The following CEP63 variants were observed in gnomAD, a reference collection of about 807,000 sequenced individuals.
CEP63 encodes the protein centrosomal protein 63.
A neutral mutation model predicts 89.1 loss-of-function variants in CEP63; 84 were observed. That is an observed-to-expected ratio of 0.94 (90% CI 0.79 to 1.13). The LOEUF is 1.13. CEP63 is among the 50% of genes most tolerant of loss of function. The probability of loss-of-function intolerance (pLI) is 0.00; values close to 1 mark genes in which losing one functional copy is unlikely to be tolerated. For synonymous variants in CEP63, 267 were observed against 272.5 expected, an observed-to-expected ratio of 0.98 and a Z score of 0.20; for missense variants, 838 against 813.3, an observed-to-expected ratio of 1.03 and a Z score of -0.37.
the CEP63 span, among the ~76,000 whole-genome samples, chr3:134,598,651 G>C: frequency 1.6e-4 from 24 of 152,310 alleles, no homozygotes; most frequent in Middle Eastern, 3.4e-3. Context: ...GGAGTTGGGA[G>C]AGCAGGTGGG....
chr3:134,628,331 G>A, the CEP63 span, among the ~76,000 whole-genome samples: 40 of 152,272 alleles, frequency 2.6e-4, no homozygotes, highest in Non-Finnish European at 3.5e-4. Flanking sequence ...ATCTAAGACC[G>A]TAAAGGCAGA....
intron 5 of CEP63, among the ~76,000 whole-genome samples, chr3:134,533,104 A>G (rs531412572): frequency 6.6e-6 from 1 of 152,280 alleles, no homozygotes; most frequent in East Asian, 1.9e-4. Context: ...GCCATCAGTA[A>G]TTCTCAACAG....
At chr3:134,689,526 A>G in the CEP63 span, among the ~76,000 whole-genome samples, 2 of 152,040 alleles carry the variant, frequency 1.3e-5, no homozygotes, top group Non-Finnish European at 2.9e-5. Context: ...AGCTCGGCTC[A>G]CTGCAACCTC....
At chr3:134,624,402 TG>T in the CEP63 span, among the ~76,000 whole-genome samples, 7 of 152,228 alleles carry the variant, frequency 4.6e-5, no homozygotes, top group Admixed American at 2.0e-4. Context: ...ACAAGGTTCC[TG>T]AGTACCTATA....
chr3:134,505,755 G>A (rs1943295736), intron 2 of CEP63, among the ~76,000 whole-genome samples: 1 of 152,194 alleles, frequency 6.6e-6, no homozygotes, highest in South Asian at 2.1e-4. Context: ...CAGTGCCTCA[G>A]ACAATGTGCC....
chr3:134,734,174 T>G, the CEP63 span, among the ~76,000 whole-genome samples: 6 of 152,302 alleles, frequency 3.9e-5, no homozygotes, highest in African/African-American at 1.4e-4. Context: ...AACCTACACA[T>G]GTCATGCATT....
the CEP63 span, among the ~76,000 whole-genome samples, chr3:134,631,199 G>A: frequency 2.0e-5 from 3 of 152,212 alleles, no homozygotes; most frequent in East Asian, 1.9e-4. Flanking sequence ...TCTGAAATCT[G>A]GCAAAAGACA....
chr3:134,500,310 A>ATATG (rs1405339714), intron 2 of CEP63, among the ~76,000 whole-genome samples: 1 of 152,176 alleles, frequency 6.6e-6, no homozygotes, highest in Admixed American at 6.5e-5. Flanking sequence ...TCCATGGTGT[A>ATATG]TATGTACTAC....
chr3:134,752,012 C>G, the CEP63 span, among the ~76,000 whole-genome samples: 4 of 152,152 alleles, frequency 2.6e-5, no homozygotes, highest in Non-Finnish European at 5.9e-5. Flanking sequence ...CCTCACTACT[C>G]CCCTGGGCCT....
the CEP63 span, chr3:134,651,182 G>C: frequency 7.2e-7 from 1 of 1,381,768 alleles, no homozygotes; most frequent in Non-Finnish European, 9.4e-7. Context: ...GCGGCTCTAA[G>C]TCACCTTTGA....
At chr3:134,592,469 G>GGTGTGTGTGTGTGTGT (rs34973626), downstream of CEP63, among the ~76,000 whole-genome samples, 4,569 of 125,096 alleles carry the variant, frequency 0.037, 238 homozygotes, top group African/African-American at 0.06. Context: ...TCTGCAAACT[G>GGTGTGTGTGTGTGTGT]GTGTGTGTGT....
chr3:134,746,998 A>G, the CEP63 span, among the ~76,000 whole-genome samples: 1 of 152,182 alleles, frequency 6.6e-6, no homozygotes, highest in Non-Finnish European at 1.5e-5. Flanking sequence ...GTCCTTGCCT[A>G]TGCCTGTGTC....
At chr3:134,715,378 A>G in the CEP63 span, among the ~76,000 whole-genome samples, 1 of 150,990 alleles carries the variant, frequency 6.6e-6, no homozygotes, top group South Asian at 2.1e-4. Flanking sequence ...GAATTGCACA[A>G]CTTCTACTGG....
the CEP63 span, among the ~76,000 whole-genome samples, chr3:134,753,093 T>G: frequency 1.3e-5 from 2 of 152,156 alleles, no homozygotes; most frequent in East Asian, 3.9e-4. Flanking sequence ...TGTCCTCAAG[T>G]GTGGGTGTCT....
chr3:134,707,529 A>G, the CEP63 span, among the ~76,000 whole-genome samples: 4 of 152,164 alleles, frequency 2.6e-5, no homozygotes, highest in East Asian at 3.9e-4. Flanking sequence ...TTGATATTTC[A>G]TTGGAATCAG....
rs1957589884 is a variant in CEP63, at chr3:134,564,192, A to G, written c.*2657A>G. 6 of 940,518 alleles carry G rather than the reference A, an allele frequency of 6.4e-6. No homozygotes were observed. Among genetic ancestry groups the G allele is most frequent in the Non-Finnish European group, 7.6e-6 (6 of 788,972 alleles). The allele number at this position is 940,518 out of a possible 1,614,324, so 58.3% of individuals were successfully genotyped here. A position where few individuals can be genotyped will look rare whatever the true frequency, so the allele number is the denominator to read the frequency against. On this transcript the variant is annotated 3_prime_UTR_variant, in exon 15 of 15. Transcript: ENST00000675561. ...TTCTCTGGTTCATGGTGGGATCCTC[A>G]TCACCCAGCACAAGCCCAACACTTA...
downstream of CEP63, among the ~76,000 whole-genome samples, chr3:134,565,686 A>G (rs1006480548): frequency 2.0e-5 from 3 of 152,034 alleles, no homozygotes; most frequent in Non-Finnish European, 4.4e-5. Context: ...TCCAGTTGCT[A>G]GAGGAAGGCA....
At chr3:134,689,703 C>T in the CEP63 span, among the ~76,000 whole-genome samples, 2 of 152,116 alleles carry the variant, frequency 1.3e-5, no homozygotes. Flanking sequence ...ATCCACCCAC[C>T]TCAGCCTCCC....
chr3:134,596,993 G>A, the CEP63 span, among the ~76,000 whole-genome samples: 2 of 152,318 alleles, frequency 1.3e-5, no homozygotes, highest in South Asian at 4.1e-4. Context: ...AGGACAGCAT[G>A]TATAAAGCAC....
Sources: allele counts gnomAD v4.1 joint callset (sites outside exome capture counted in the v4.1 genomes callset), GRCh38; gene constraint gnomAD v4.1.1; transcripts MANE v1.5; gene names NCBI Gene and HGNC (gene_info 2026-07-23, HGNC 2026-07-21).